The following FAAH2 variants were observed in gnomAD, a reference collection of about 807,000 sequenced individuals.
The protein encoded by FAAH2 is fatty-acid amide hydrolase 2.
FAAH2 carries 60 observed loss-of-function variants against 36.9 expected under a neutral mutation model. The ratio of observed to expected loss-of-function variants is 1.63; its 90% CI spans 1.32 to 2.02. FAAH2 has a LOEUF of 2.02. Among genes scored for constraint, FAAH2 ranks in the 30% most tolerant of loss-of-function variants. The pLI is 0.00. For missense variants in FAAH2, 689 were observed against 397.5 expected, an observed-to-expected ratio of 1.73 and a Z score of -6.23; for synonymous variants, 214 against 143.8, an observed-to-expected ratio of 1.49 and a Z score of -3.49.
chrX:57,254,345 G>C, the FAAH2 span, among the ~76,000 whole-genome samples: 1 of 111,610 alleles, frequency 9.0e-6, no homozygotes, highest in South Asian at 3.7e-4. Context: ...ACACCCCACT[G>C]TCAATATTAG....
At chrX:57,367,546 G>T (rs1462342977) in intron 5 of FAAH2, among the ~76,000 whole-genome samples, 6 of 112,484 alleles carry the variant, frequency 5.3e-5, no homozygotes, top group Non-Finnish European at 9.4e-5. Context: ...CAAAAACAAT[G>T]AATAAACAAC....
the FAAH2 span, among the ~76,000 whole-genome samples, chrX:57,157,210 A>G: frequency 9.0e-6 from 1 of 111,323 alleles, no homozygotes; most frequent in East Asian, 2.8e-4. Context: ...TGGGAGAGGG[A>G]TCACACAGGT....
chrX:57,161,640 T>A, the FAAH2 span, among the ~76,000 whole-genome samples: 59 of 111,763 alleles, frequency 5.3e-4, no homozygotes, highest in African/African-American at 1.5e-3. Context: ...CCTTTGATCT[T>A]TGTTGGTTGA....
At chrX:57,218,759 A>T in the FAAH2 span, among the ~76,000 whole-genome samples, 920 of 111,887 alleles carry the variant, frequency 8.2e-3, 8 homozygotes, top group Non-Finnish European at 0.013. Flanking sequence ...TTGTGGAATA[A>T]TGTCCACAGG....
chrX:57,318,684 G>A (rs1203904538), intron 3 of FAAH2, among the ~76,000 whole-genome samples: 6 of 111,332 alleles, frequency 5.4e-5, no homozygotes, highest in Admixed American at 1.9e-4. Context: ...GGCCAGCATC[G>A]TCCTGATAAC....
chrX:57,374,432 G>A (rs766480904), intron 5 of FAAH2, among the ~76,000 whole-genome samples: 5 of 111,163 alleles, frequency 4.5e-5, no homozygotes, highest in Admixed American at 9.6e-5. Context: ...TTCACCTCCC[G>A]GGTTAGGTAT....
chrX:57,211,430 C>T, the FAAH2 span, among the ~76,000 whole-genome samples: 1 of 111,618 alleles, frequency 9.0e-6, no homozygotes, highest in African/African-American at 3.3e-5. Context: ...TTGCCTAGCC[C>T]CACCCAGCTT....
chrX:57,418,298 G>A (rs1232782257), intron 7 of FAAH2, among the ~76,000 whole-genome samples: 1 of 111,856 alleles, frequency 8.9e-6, no homozygotes, highest in Non-Finnish European at 1.9e-5. Flanking sequence ...CCTGCAGCTA[G>A]CTCAGTGTCT....
chrX:57,216,587 T>TATACGTATATATAC, the FAAH2 span, among the ~76,000 whole-genome samples: 7 of 19,492 alleles, frequency 3.6e-4, no homozygotes, highest in African/African-American at 2.7e-3. Context: ...TATATGTATA[T>TATACGTATATATAC]GTATATATAT....
intron 3 of FAAH2, among the ~76,000 whole-genome samples, chrX:57,327,922 T>C (rs1489068931): frequency 2.7e-5 from 3 of 110,214 alleles, no homozygotes; most frequent in Non-Finnish European, 5.7e-5. Context: ...TGCTCTGATT[T>C]TTAGAGTTTC....
the FAAH2 span, among the ~76,000 whole-genome samples, chrX:57,237,839 T>C: frequency 3.6e-5 from 4 of 109,936 alleles, no homozygotes; most frequent in African/African-American, 1.3e-4. Flanking sequence ...AGTGGGCAAA[T>C]GACATGAACA....
chrX:57,192,429 G>A, the FAAH2 span, among the ~76,000 whole-genome samples: 2 of 111,209 alleles, frequency 1.8e-5, no homozygotes, highest in Non-Finnish European at 3.8e-5. Context: ...TTTCAATTTG[G>A]ATGCCCTTTA....
intron 5 of FAAH2, among the ~76,000 whole-genome samples, chrX:57,368,727 TC>T (rs1390334111): frequency 9.0e-6 from 1 of 110,981 alleles, no homozygotes; most frequent in Non-Finnish European, 1.9e-5. Flanking sequence ...TAAAAGTATC[TC>T]CACATGAAAG....
the FAAH2 span, among the ~76,000 whole-genome samples, chrX:57,202,605 T>G: frequency 2.7e-5 from 3 of 111,495 alleles, no homozygotes; most frequent in Non-Finnish European, 5.6e-5. Context: ...ACAGCACTGG[T>G]TCTTGCCCGA....
intron 3 of FAAH2, among the ~76,000 whole-genome samples, chrX:57,328,456 T>C (rs2053291227): frequency 8.9e-6 from 1 of 112,157 alleles, no homozygotes. Context: ...TCAGCTCCTG[T>C]ATGTTTTTAT....
Position 57,387,106 on chromosome X carries a change from A to T in FAAH2, c.996+6077A>T, listed in dbSNP as rs184705784. Among the ~76,000 whole-genome samples, 64 of 111,848 alleles carry T rather than the reference A, an allele frequency of 5.7e-4. 1 individual carries two copies. The East Asian group carries it at 0.015, about 25-fold the overall frequency. Reference sequence around the variant, plus strand: ...TAACCTAAATATTTTTCCAGAAAGCATTTTATAAAATTCAGATGTCTGTTT... The same window carrying T: ...TAACCTAAATATTTTTCCAGAAAGCTTTTTATAAAATTCAGATGTCTGTTT... On this transcript the variant is annotated intron_variant, in intron 7 of 10. Coordinates refer to ENST00000374900, the MANE Select transcript of FAAH2 (RefSeq NM_174912.4).
chrX:57,345,636 C>T (rs1309779100), intron 5 of FAAH2, among the ~76,000 whole-genome samples: 3 of 110,720 alleles, frequency 2.7e-5, no homozygotes, highest in East Asian at 2.9e-4. Context: ...TTGGTTCTAC[C>T]CAATTATAGT....
chrX:57,257,813 G>A, the FAAH2 span, among the ~76,000 whole-genome samples: 2 of 111,018 alleles, frequency 1.8e-5, no homozygotes, highest in Non-Finnish European at 3.8e-5. Flanking sequence ...GAGTGATTAA[G>A]GAAACTGAAA....
intron 3 of FAAH2, among the ~76,000 whole-genome samples, chrX:57,324,525 G>GT (rs1468424841): frequency 8.9e-6 from 1 of 111,775 alleles, no homozygotes. Flanking sequence ...TTGAGCAGTG[G>GT]TTTGTAGTTC....
Sources: allele counts gnomAD v4.1 joint callset (sites outside exome capture counted in the v4.1 genomes callset), GRCh38; gene constraint gnomAD v4.1.1; transcripts MANE v1.5; gene names NCBI Gene and HGNC (gene_info 2026-07-23, HGNC 2026-07-21).